The following VPS13D variants were observed in gnomAD, a reference collection of about 807,000 sequenced individuals.
The protein encoded by VPS13D is vacuolar protein sorting 13 homolog D.
VPS13D carries 187 observed loss-of-function variants against 461.9 expected under a neutral mutation model. The ratio of observed to expected loss-of-function variants is 0.40; its 90% CI spans 0.36 to 0.46. The LOEUF is 0.46. Among genes scored for constraint, VPS13D ranks in the 20% least tolerant of loss-of-function variants. VPS13D has a pLI of 0.60. For synonymous variants in VPS13D, 1,951 were observed against 1,986.3 expected (o/e 0.98, Z 0.47); for missense variants, 4,711 against 5,364.9 (o/e 0.88, Z 3.81).
At position 12,283,098 on chromosome 1, in the gene VPS13D, A is replaced by G; in HGVS notation, c.4996A>G (p.Ile1666Val). Reference protein sequence around the residue: ...KDHPQTLSIQIALHSLLMEDL... With the variant: ...KDHPQTLSIQVALHSLLMEDL... ...CCATCCCCAGACTTTATCTATTCAG[A>G]TTGCCCTGCATTCTCTGCTGATGGA... The change falls in exon 21 of 70, where the codon ATT becomes GTT. Residue 1666 changes from isoleucine (I) to valine (V), a missense_variant. Coordinates refer to ENST00000620676, the MANE Select transcript of VPS13D (RefSeq NM_015378.4). The G allele has an allele frequency of 1.2e-6, 2 of 1,614,168 alleles. No individual in the cohort carries two copies. The highest frequency in any genetic ancestry group is 2.2e-5 in the South Asian group (2 of 91,068).
At chr1:12,235,480 C>T (rs758239060) in intron 2 of VPS13D, among the ~76,000 whole-genome samples, 3 of 152,058 alleles carry the variant, frequency 2.0e-5, no homozygotes, top group Non-Finnish European at 4.4e-5. Context: ...GAGGCTGAGG[C>T]AGGAGAATCG....
chr1:12,381,891 AGTCT>A lies in VPS13D; in HGVS notation c.11191-1080_11191-1077del, dbSNP rs368919683. On this transcript the variant is annotated intron_variant, in intron 57 of 69. Coordinates refer to ENST00000620676, the MANE Select transcript of VPS13D (RefSeq NM_015378.4). ...AAATTTAATTCGGCTGAAGTCAGTC[AGTCT>A]GTCTTTTTTTCTTTTTCTTTCTTTT... is the stretch of plus-strand genomic sequence containing the variant. Among the ~76,000 whole-genome samples, 443 of 149,216 alleles carry A rather than the reference AGTCT, an allele frequency of 3.0e-3. 2 individuals carry two copies. The highest frequency in any genetic ancestry group is 4.5e-3 in the Non-Finnish European group (303 of 67,130).
chr1:12,506,532 G>A (rs1044577212), intron 68 of VPS13D, among the ~76,000 whole-genome samples: 1 of 151,976 alleles, frequency 6.6e-6, no homozygotes, highest in Admixed American at 6.5e-5. Flanking sequence ...GCGTCTTCTC[G>A]CCCCTTCATG....
intron 10 of VPS13D, among the ~76,000 whole-genome samples, chr1:12,258,709 A>G (rs1470360449): frequency 1.3e-5 from 2 of 152,048 alleles, no homozygotes; most frequent in Non-Finnish European, 2.9e-5. Flanking sequence ...TTCTTGTTTT[A>G]TTTCAGTTTT....
chr1:12,354,694 A>G (rs1366019439), intron 47 of VPS13D, among the ~76,000 whole-genome samples: 1 of 152,220 alleles, frequency 6.6e-6, no homozygotes, highest in Non-Finnish European at 1.5e-5. Context: ...CCCAAGCAAA[A>G]TCTTATGCCT....
chr1:12,436,112 TAAACA>T, intron 65 of VPS13D, among the ~76,000 whole-genome samples: 1 of 152,306 alleles, frequency 6.6e-6, no homozygotes, highest in South Asian at 2.1e-4. Flanking sequence ...GACACAGACA[TAAACA>T]AAACAAAGCC....
intron 27 of VPS13D, among the ~76,000 whole-genome samples, chr1:12,309,355 C>T (rs918670103): frequency 3.3e-5 from 5 of 151,602 alleles, no homozygotes; most frequent in African/African-American, 1.2e-4. Context: ...AGATTACAGG[C>T]GCATGCCACC....
chr1:12,423,541 T>C (rs941210174), intron 65 of VPS13D, among the ~76,000 whole-genome samples: 1 of 152,236 alleles, frequency 6.6e-6, no homozygotes, highest in Non-Finnish European at 1.5e-5. Flanking sequence ...GATAGTTCAG[T>C]AGAAAATCTA....
intron 35 of VPS13D, among the ~76,000 whole-genome samples, chr1:12,326,538 G>A (rs1214279636): frequency 6.6e-6 from 1 of 151,602 alleles, no homozygotes; most frequent in Non-Finnish European, 1.5e-5. Context: ...GTCTTGCTAT[G>A]TTGCCCAGGC....
At chr1:12,335,884 C>T in intron 39 of VPS13D, 57 bp downstream of exon 39, 1 of 1,606,832 alleles carries the variant, frequency 6.2e-7, no homozygotes, top group Non-Finnish European at 8.5e-7. Context: ...CAAAGCAATG[C>T]TTCACTGAGA....
In VPS13D at chr1:12,288,164, C is replaced by T. The variant is rs532117816; in HGVS notation, c.5635-59C>T. 1.9e-5 allele frequency: 28 copies of T among 1,462,652 alleles called. 1 individual carries two copies. In the Admixed American group the frequency reaches 4.1e-4, roughly 21 times the overall value. The allele number at this position is 1,462,652 out of a possible 1,614,324, so 90.6% of individuals were successfully genotyped here. On this transcript the variant is annotated intron_variant, in intron 21 of 69. Transcript: ENST00000620676. ...TTTCCTTGATTGCTCTGCCGTTTTC[C>T]TGAAAGATACCTTTTCTCCCCAGTA...
intron 17 of VPS13D, among the ~76,000 whole-genome samples, chr1:12,272,490 T>C (rs1391749804): frequency 1.3e-5 from 2 of 151,866 alleles, no homozygotes; most frequent in African/African-American, 2.4e-5. Context: ...TTTTTGGTAA[T>C]GTAAATTAGC....
In VPS13D at chr1:12,299,304, G is replaced by GT. The variant is rs1241253809; in HGVS notation, c.6137dup (p.Ala2047SerfsTer11). 6.2e-7 allele frequency: 1 copy of GT among 1,613,874 alleles called. No individual in the cohort carries two copies. Among genetic ancestry groups the GT allele is most frequent in the Non-Finnish European group, 8.5e-7 (1 of 1,179,958 alleles). The stretch of plus-strand genomic sequence containing the variant: ...AAGTTCCAGATCAAATAATCTGATT[G>GT]TAGCAAATTTGGGGAAGTTGAAAGT... On this transcript the variant is annotated frameshift_variant, in exon 25 of 70. Coordinates refer to ENST00000620676, the MANE Select transcript of VPS13D (RefSeq NM_015378.4). LOFTEE classifies it high-confidence loss of function. The surrounding 1 kb of genome is among the most constrained non-coding windows in gnomAD (Gnocchi z 4.2).
chr1:12,425,699 G>T (rs1181506640), intron 65 of VPS13D, among the ~76,000 whole-genome samples: 1 of 151,620 alleles, frequency 6.6e-6, no homozygotes, highest in African/African-American at 2.4e-5. Flanking sequence ...AAGGAAGGAA[G>T]GAAGGGAGGA....
At chr1:12,351,623 G>C (rs1439648293) in intron 46 of VPS13D, among the ~76,000 whole-genome samples, 1 of 141,610 alleles carries the variant, frequency 7.1e-6, no homozygotes, top group East Asian at 2.2e-4. Context: ...ACAGAGTCTT[G>C]CTGTGTCACC....
intron 68 of VPS13D, among the ~76,000 whole-genome samples, chr1:12,498,162 T>C (rs960062153): frequency 2.0e-5 from 3 of 152,232 alleles, no homozygotes; most frequent in African/African-American, 7.2e-5. Flanking sequence ...TAGAGTTAAG[T>C]ATTTCACTAT....
intron 65 of VPS13D, among the ~76,000 whole-genome samples, chr1:12,437,291 A>G (rs1645074606): frequency 6.6e-6 from 1 of 152,134 alleles, no homozygotes; most frequent in African/African-American, 2.4e-5. Flanking sequence ...CCTAAAGCCC[A>G]GAGGAAACAA....
intron 67 of VPS13D, among the ~76,000 whole-genome samples, chr1:12,493,508 A>G (rs932558539): frequency 2.6e-5 from 4 of 151,302 alleles, no homozygotes; most frequent in African/African-American, 9.7e-5. Flanking sequence ...AAAAGACTAG[A>G]GTCCTTTCCC....
chr1:12,420,719 A>G (rs1354120341), intron 65 of VPS13D, among the ~76,000 whole-genome samples: 1 of 152,222 alleles, frequency 6.6e-6, no homozygotes, highest in Non-Finnish European at 1.5e-5. Flanking sequence ...GATTGCCAGC[A>G]CTTTAATTGT....
Sources: gnomAD v4.1 joint callset for allele counts (sites outside exome capture counted in the v4.1 genomes callset) on GRCh38, gnomAD v4.1.1 for gene constraint, Gnocchi (gnomAD v3.1) non-coding constraint, MANE v1.5 for transcripts, NCBI Gene and HGNC (gene_info 2026-07-23, HGNC 2026-07-21) for gene names.